The following SUPT3H variants were observed in gnomAD, a reference collection of about 807,000 sequenced individuals.
The protein encoded by SUPT3H is transcription initiation protein SPT3 homolog.
SUPT3H carries 44 observed loss-of-function variants against 44.3 expected under a neutral mutation model. The observed-to-expected ratio is 0.99, with a 90% CI of 0.78 to 1.28. The LOEUF (loss-of-function observed/expected upper bound fraction) is 1.28, where lower values mean the gene tolerates loss of function less well. Ranked by LOEUF, SUPT3H falls within the 50% of genes most tolerant of loss-of-function variation. The pLI, the probability that SUPT3H is intolerant of heterozygous loss-of-function variation, is 0.00. For synonymous variants in SUPT3H, 124 were observed against 125.6 expected (o/e 0.99, Z 0.09); for missense variants, 380 against 387.1 (o/e 0.98, Z 0.15).
At chr6:44,862,397 C>G (rs1049821105) in intron 10 of SUPT3H, among the ~76,000 whole-genome samples, 1 of 151,956 alleles carries the variant, frequency 6.6e-6, no homozygotes, top group Admixed American at 6.6e-5. Flanking sequence ...TGATACAGGG[C>G]CAGGCGCAGT....
intron 3 of SUPT3H, among the ~76,000 whole-genome samples, chr6:45,027,746 T>C (rs1393198405): frequency 6.6e-6 from 1 of 152,208 alleles, no homozygotes; most frequent in Admixed American, 6.5e-5. Context: ...TTTAAAAATC[T>C]TGTATGTCTC....
At chr6:45,319,166 G>A (rs1399239869) in intron 2 of SUPT3H, among the ~76,000 whole-genome samples, 5 of 152,060 alleles carry the variant, frequency 3.3e-5, no homozygotes, top group African/African-American at 1.2e-4. Context: ...TCTCTCAGAC[G>A]AGCTATCTTT....
chr6:44,809,448 T>C (rs1440481522), exon 12 of SUPT3H: 1 of 152,222 alleles, frequency 6.6e-6, no homozygotes, highest in African/African-American at 2.4e-5. Flanking sequence ...TCACCATCTA[T>C]GGTACATATG....
At chr6:44,977,557 C>T (rs758163110) in intron 6 of SUPT3H, among the ~76,000 whole-genome samples, 5 of 152,164 alleles carry the variant, frequency 3.3e-5, no homozygotes, top group Non-Finnish European at 7.4e-5. Context: ...TGCCACCCTA[C>T]ATGCATCTTA....
chr6:45,321,701 C>T (rs1051516626), intron 2 of SUPT3H: 8 of 894,684 alleles, frequency 8.9e-6, no homozygotes, highest in Non-Finnish European at 1.4e-5. Context: ...CCAGATCTTT[C>T]TCTAAACAAT....
chr6:44,913,518 C>G (rs1412520094), intron 10 of SUPT3H, among the ~76,000 whole-genome samples: 2 of 152,114 alleles, frequency 1.3e-5, no homozygotes, highest in Non-Finnish European at 2.9e-5. Context: ...TGCATGGGAA[C>G]CTGATGAATT....
At chr6:45,027,028 C>A (rs750127219) in intron 3 of SUPT3H, among the ~76,000 whole-genome samples, 21 of 122,676 alleles carry the variant, frequency 1.7e-4, no homozygotes, top group Non-Finnish European at 2.9e-4. Flanking sequence ...CTCACTCTGT[C>A]ATCCAGGCTG....
At chr6:44,970,271 T>TG (rs1394443983) in intron 6 of SUPT3H, among the ~76,000 whole-genome samples, 4 of 152,068 alleles carry the variant, frequency 2.6e-5, no homozygotes, top group Non-Finnish European at 5.9e-5. Flanking sequence ...AAGCCAGTAA[T>TG]GGGGAAAAAA....
At chr6:44,942,362 T>G (rs1273644918) in intron 9 of SUPT3H, among the ~76,000 whole-genome samples, 1 of 151,730 alleles carries the variant, frequency 6.6e-6, no homozygotes, top group Non-Finnish European at 1.5e-5. Flanking sequence ...CTGGAAACGG[T>G]AGTATGTACT....
intron 3 of SUPT3H, chr6:45,099,072 C>A (rs1371541236): frequency 2.7e-6 from 1 of 376,436 alleles, no homozygotes; most frequent in South Asian, 2.1e-5. Flanking sequence ...CCAACATGGT[C>A]CTCCAGCTGT....
intron 9 of SUPT3H, among the ~76,000 whole-genome samples, chr6:44,945,175 T>A (rs1018801581): frequency 6.6e-6 from 1 of 152,142 alleles, no homozygotes; most frequent in Non-Finnish European, 1.5e-5. Context: ...TGTATTCATA[T>A]GAGATAGCAA....
intron 6 of SUPT3H, among the ~76,000 whole-genome samples, chr6:44,999,529 C>A (rs1318883422): frequency 6.6e-6 from 1 of 152,030 alleles, no homozygotes; most frequent in Non-Finnish European, 1.5e-5. Context: ...GAGGCTACAG[C>A]CCCACCAAAC....
At chr6:44,983,425 T>C (rs1779370201) in intron 6 of SUPT3H, among the ~76,000 whole-genome samples, 1 of 152,296 alleles carries the variant, frequency 6.6e-6, no homozygotes, top group Admixed American at 6.5e-5. Context: ...GTACCTTCAG[T>C]AGGCAAGGAA....
chr6:45,214,322 T>C (rs1043165073), intron 2 of SUPT3H, among the ~76,000 whole-genome samples: 1 of 152,014 alleles, frequency 6.6e-6, no homozygotes, highest in South Asian at 2.1e-4. Flanking sequence ...GGGAATGTAA[T>C]GTGATTGACA....
At chr6:45,221,916 G>A (rs1178302743) in intron 2 of SUPT3H, among the ~76,000 whole-genome samples, 1 of 152,114 alleles carries the variant, frequency 6.6e-6, no homozygotes, top group African/African-American at 2.4e-5. Context: ...GTGTGGTACT[G>A]TAGATGGACA....
chr6:44,918,046 C>A (rs1768087021), intron 10 of SUPT3H, among the ~76,000 whole-genome samples: 1 of 151,958 alleles, frequency 6.6e-6, no homozygotes, highest in Non-Finnish European at 1.5e-5. Context: ...GTTAAATGAC[C>A]AATGTATCTC....
chr6:45,141,155 C>A (rs932105385), intron 2 of SUPT3H, among the ~76,000 whole-genome samples: 1 of 151,688 alleles, frequency 6.6e-6, no homozygotes, highest in Non-Finnish European at 1.5e-5. Context: ...GCCTGGCCAA[C>A]ATGGTAGAAC....
intron 2 of SUPT3H, among the ~76,000 whole-genome samples, chr6:45,158,279 T>TAC (rs1808239261): frequency 1.2e-4 from 4 of 33,776 alleles, no homozygotes; most frequent in Admixed American, 2.3e-4. Context: ...AATATACATA[T>TAC]ATATATATAT....
chr6:44,953,559 A>C (rs1774645385), intron 8 of SUPT3H, 142 bp from the exon 9 acceptor site: 2 of 623,386 alleles, frequency 3.2e-6, no homozygotes, highest in Non-Finnish European at 5.6e-6. Context: ...ATGAGCACAC[A>C]CTTTCATTGA....
Sources: allele counts gnomAD v4.1 joint callset (sites outside exome capture counted in the v4.1 genomes callset), GRCh38; gene constraint gnomAD v4.1.1; transcripts MANE v1.5; gene names NCBI Gene and HGNC (gene_info 2026-07-23, HGNC 2026-07-21).